MAGEH1: variants seen among roughly 807,000 people sequenced by gnomAD.
The protein encoded by MAGEH1 is MAGE family member H1.
For synonymous variants in MAGEH1, 79 were observed against 70.3 expected (o/e 1.12, Z -0.62); for missense variants, 152 against 183.0 (o/e 0.83, Z 0.98).
chrX:55,452,305 T>C lies in MAGEH1; in HGVS notation c.-70T>C. On this transcript the variant is annotated 5_prime_UTR_variant, in exon 1 of 1. Transcript: ENST00000342972. ...AGCAGCTTCTTACGGTATAAAGCTG[T>C]TGCTTCCTGAAGAGGCTACAAGCAT... The C allele has an allele frequency of 3.1e-6, 3 of 967,756 alleles. No individual in the cohort carries two copies. Among genetic ancestry groups the C allele is most frequent in the Non-Finnish European group, 4.1e-6 (3 of 725,962 alleles). The allele number at this position is 967,756 out of a possible 1,213,427, so 79.8% of individuals were successfully genotyped here. A position where few individuals can be genotyped will look rare whatever the true frequency, so the allele number is the denominator to read the frequency against.
At position 55,452,985 on chromosome X, in the gene MAGEH1, A is replaced by G. The variant is rs1357101973; in HGVS notation, c.611A>G (p.Glu204Gly). ...GACTGGGATTCGGACGATGATGCAG[A>G]GGTTGAGGCTATCCTCAATTCAGGT... Reference protein sequence around the residue: ...NYDWDSDDDAEVEAILNSGAR... With the variant: ...NYDWDSDDDAGVEAILNSGAR... Residue 204 changes from glutamate to glycine, a missense_variant, in exon 1 of 1, where the codon GAG becomes GGG. By Grantham distance (98) the Glu-to-Gly change is moderately conservative. Coordinates refer to ENST00000342972, the MANE Select transcript of MAGEH1 (RefSeq NM_014061.5). 8.3e-7 allele frequency: 1 copy of G among 1,211,497 alleles called. No individual in the cohort carries two copies. The highest frequency in any genetic ancestry group is 3.0e-5 in the East Asian group (1 of 33,832).
At position 55,452,950 on chromosome X, in the gene MAGEH1, T is replaced by C. The variant is rs1351171803; in HGVS notation, c.576T>C (p.Pro192=). Residue 192 remains proline (P), a synonymous_variant, in exon 1 of 1, where the codon CCT becomes CCC. Coordinates refer to ENST00000342972, the MANE Select transcript of MAGEH1 (RefSeq NM_014061.5). ...GTAACCGATGCTCTAAAGACTGGCC[T>C]TGTAATTATGACTGGGATTCGGACG... ...RVRNRCSKDW[P]CNYDWDSDDD... The C allele has an allele frequency of 8.3e-7, 1 of 1,209,468 alleles. No homozygotes were observed. The highest frequency in any genetic ancestry group is 1.1e-6 in the Non-Finnish European group (1 of 895,019).
Position 55,452,657 on chromosome X carries a change from A to G in MAGEH1, c.283A>G (p.Ile95Val), listed in dbSNP as rs756433516. Residue 95 changes from isoleucine to valine, a missense_variant, in exon 1 of 1, where the codon ATA becomes GTA. Transcript: ENST00000342972. ...QGTKKSLLMS[I>V]LALIFIMGNS... Reference sequence around the variant, plus strand: ...CACCAAGAAAAGTCTCCTGATGTCTATATTAGCGCTCATCTTCATCATGGG... The same window carrying G: ...CACCAAGAAAAGTCTCCTGATGTCTGTATTAGCGCTCATCTTCATCATGGG... 2.5e-6 allele frequency: 3 copies of G among 1,211,618 alleles called. No homozygotes were observed. Among genetic ancestry groups the G allele is most frequent in the East Asian group, 3.0e-5 (1 of 33,834 alleles).
Position 55,452,861 on chromosome X carries a change from T to C in MAGEH1, c.487T>C (p.Trp163Arg). The C allele has an allele frequency of 4.1e-6, 5 of 1,211,527 alleles. No individual in the cohort carries two copies. The highest frequency in any genetic ancestry group is 5.6e-6 in the Non-Finnish European group (5 of 895,458). Residue 163 changes from tryptophan to arginine, a missense_variant, in exon 1 of 1, where the codon TGG becomes CGG. Coordinates refer to ENST00000342972, the MANE Select transcript of MAGEH1 (RefSeq NM_014061.5). Reference sequence around the variant, plus strand: ...CAGTCCGGTGGAGTATGAGTTCTTCTGGGGGCCCCGAGCACACGTGGAATC... The same window carrying C: ...CAGTCCGGTGGAGTATGAGTTCTTCCGGGGGCCCCGAGCACACGTGGAATC... ...RSSPVEYEFF[W>R]GPRAHVESSK...
chrX:55,452,990 G>C lies in MAGEH1; in HGVS notation c.616G>C (p.Glu206Gln). ...GGATTCGGACGATGATGCAGAGGTTGAGGCTATCCTCAATTCAGGTGCTAG... is the reference window on the plus strand; with the variant it reads ...GGATTCGGACGATGATGCAGAGGTTCAGGCTATCCTCAATTCAGGTGCTAG... The part of the protein sequence containing the change: ...DWDSDDDAEV[E>Q]AILNSGARGY... Residue 206 changes from glutamate (E) to glutamine (Q), a missense_variant, in exon 1 of 1, where the codon GAG (glutamate) becomes CAG (glutamine). Transcript: ENST00000342972. The C allele has an allele frequency of 8.3e-7, 1 of 1,211,643 alleles. No individual in the cohort carries two copies. The highest frequency in any genetic ancestry group is 1.7e-5 in the African/African-American group (1 of 57,744).
In MAGEH1 at chrX:55,452,682, G is replaced by A. The variant is rs182047410; in HGVS notation, c.308G>A (p.Gly103Asp). Residue 103 changes from glycine (G) to aspartate (D), a missense_variant, in exon 1 of 1, where the codon GGC (glycine) becomes GAC (aspartate). By Grantham distance (94) the Gly-to-Asp change is moderately conservative (BLOSUM62 -1). Coordinates refer to ENST00000342972, the MANE Select transcript of MAGEH1 (RefSeq NM_014061.5). ...ATATTAGCGCTCATCTTCATCATGG[G>A]CAACAGCGCCAAGGAAGCTCTGGTC... ...MSILALIFIM[G>D]NSAKEALVWK... 3 of 1,209,991 alleles carry A rather than the reference G, an allele frequency of 2.5e-6. No individual in the cohort carries two copies. The highest frequency in any genetic ancestry group is 3.5e-5 in the African/African-American group (2 of 57,165).
In MAGEH1 at chrX:55,453,168, A is replaced by C; in HGVS notation, c.*134A>C. Reference sequence around the variant, plus strand: ...CTGTATTTGATATTTGTGATCAGTGATCATTGTTCAACTGCGAAATAGAGT... The same window carrying C: ...CTGTATTTGATATTTGTGATCAGTGCTCATTGTTCAACTGCGAAATAGAGT... On this transcript the variant is annotated 3_prime_UTR_variant, in exon 1 of 1. Transcript: ENST00000342972. The C allele has an allele frequency of 1.9e-6, 1 of 521,349 alleles. No homozygotes were observed. Among genetic ancestry groups the C allele is most frequent in the Non-Finnish European group, 3.0e-6 (1 of 330,240 alleles). 43.0% of individuals were successfully genotyped at this position (521,349 alleles called of 1,213,427 possible).
In MAGEH1 at chrX:55,453,320, A is replaced by G; in HGVS notation, c.*286A>G. 3.4e-6 allele frequency: 1 copy of G among 291,662 alleles called. No homozygotes were observed. Among genetic ancestry groups the G allele is most frequent in the East Asian group, 6.2e-5 (1 of 16,099 alleles). 24.0% of individuals were successfully genotyped at this position (291,662 alleles called of 1,213,427 possible). A position where few individuals can be genotyped will look rare whatever the true frequency, so the allele number is the denominator to read the frequency against. ...TCCTGTCATTGACATTTAGTATAAC[A>G]GTTTTGCTAACGTTCTAAAATGAAG... On this transcript the variant is annotated 3_prime_UTR_variant, in exon 1 of 1. Coordinates refer to ENST00000342972, the MANE Select transcript of MAGEH1 (RefSeq NM_014061.5).
Position 55,452,707 on chromosome X carries a change from C to A in MAGEH1, c.333C>A (p.Val111=). 2 of 1,211,585 alleles carry A rather than the reference C, an allele frequency of 1.7e-6. No individual in the cohort carries two copies. The highest frequency in any genetic ancestry group is 1.1e-6 in the Non-Finnish European group (1 of 895,504). ...IMGNSAKEAL[V]WKVLGKLGMQ... Reference sequence around the variant, plus strand: ...GCAACAGCGCCAAGGAAGCTCTGGTCTGGAAAGTGCTGGGGAAGTTAGGAA... The same window carrying A: ...GCAACAGCGCCAAGGAAGCTCTGGTATGGAAAGTGCTGGGGAAGTTAGGAA... Residue 111 remains valine (V), a synonymous_variant, in exon 1 of 1, where the codon GTC becomes GTA. Transcript: ENST00000342972.
chrX:55,452,801 A>C lies in MAGEH1; in HGVS notation c.427A>C (p.Arg143=). The change falls in exon 1 of 1, where the codon AGA becomes CGA. Residue 143 remains arginine (R), a synonymous_variant. Coordinates refer to ENST00000342972, the MANE Select transcript of MAGEH1 (RefSeq NM_014061.5). ...KKIVTEEFVR[R]GYLIYKPVPR... ...GATCGTCACAGAAGAGTTTGTGCGC[A>C]GAGGGTACCTGATTTATAAACCGGT... 2.5e-6 allele frequency: 3 copies of C among 1,211,758 alleles called. No individual in the cohort carries two copies. The highest frequency in any genetic ancestry group is 3.3e-6 in the Non-Finnish European group (3 of 895,532).
rs778325797 is a variant in MAGEH1, at chrX:55,452,470, G to A, written c.96G>A (p.Glu32=). The A allele has an allele frequency of 1.7e-6, 2 of 1,202,577 alleles. No homozygotes were observed. Among genetic ancestry groups the A allele is most frequent in the South Asian group, 1.8e-5 (1 of 55,741 alleles). Residue 32 remains glutamate (E), a synonymous_variant, in exon 1 of 1, where the codon GAG becomes GAA. Transcript: ENST00000342972. ...NRKIQASEAS[E]TPMAASVVAS... The stretch of plus-strand genomic sequence containing the variant: ...AAATCCAGGCCTCAGAGGCCTCCGA[G>A]ACCCCTATGGCCGCCTCTGTGGTAG...
chrX:55,452,530 G>A lies in MAGEH1; in HGVS notation c.156G>A (p.Glu52=). The change falls in exon 1 of 1, where the codon GAG becomes GAA. Residue 52 remains glutamate (E), a synonymous_variant. Transcript: ENST00000342972. ...STPEDDLSGP[E]EDPSTPEEAS... Reference sequence around the variant, plus strand: ...CCGAAGACGACCTGAGCGGCCCCGAGGAAGACCCGAGCACTCCAGAGGAGG... The same window carrying A: ...CCGAAGACGACCTGAGCGGCCCCGAAGAAGACCCGAGCACTCCAGAGGAGG... The A allele has an allele frequency of 8.3e-7, 1 of 1,209,463 alleles. No individual in the cohort carries two copies. The highest frequency in any genetic ancestry group is 1.1e-6 in the Non-Finnish European group (1 of 894,757).
Position 55,452,669 on chromosome X carries a change from A to G in MAGEH1, c.295A>G (p.Ile99Val). The part of the protein sequence containing the change: ...KSLLMSILAL[I>V]FIMGNSAKEA... ...TCTCCTGATGTCTATATTAGCGCTCATCTTCATCATGGGCAACAGCGCCAA... is the reference window on the plus strand; with the variant it reads ...TCTCCTGATGTCTATATTAGCGCTCGTCTTCATCATGGGCAACAGCGCCAA... The change falls in exon 1 of 1, where the codon ATC becomes GTC. Residue 99 changes from isoleucine to valine, a missense_variant. Coordinates refer to ENST00000342972, the MANE Select transcript of MAGEH1 (RefSeq NM_014061.5). 5.0e-6 allele frequency: 6 copies of G among 1,211,805 alleles called. No individual in the cohort carries two copies. Among genetic ancestry groups the G allele is most frequent in the Non-Finnish European group, 6.7e-6 (6 of 895,566 alleles).
rs1217270495 is a variant in MAGEH1, at chrX:55,453,139, G to A, written c.*105G>A. The stretch of plus-strand genomic sequence containing the variant: ...AAAATGATGTCGATTGGGGGCGGGG[G>A]ACACTGTATTTGATATTTGTGATCA... On this transcript the variant is annotated 3_prime_UTR_variant, in exon 1 of 1. Transcript: ENST00000342972. The A allele has an allele frequency of 1.4e-6, 1 of 692,906 alleles. No individual in the cohort carries two copies. Among genetic ancestry groups the A allele is most frequent in the Non-Finnish European group, 2.1e-6 (1 of 468,415 alleles). 57.1% of individuals were successfully genotyped at this position (692,906 alleles called of 1,213,427 possible). A position where few individuals can be genotyped will look rare whatever the true frequency, so the allele number is the denominator to read the frequency against.
Position 55,452,306 on chromosome X carries a change from TG to T in MAGEH1, c.-68del. The T allele has an allele frequency of 1.0e-6, 1 of 979,130 alleles. No homozygotes were observed. The highest frequency in any genetic ancestry group is 2.7e-5 in the South Asian group (1 of 37,680). 80.7% of individuals were successfully genotyped at this position (979,130 alleles called of 1,213,427 possible). A position where few individuals can be genotyped will look rare whatever the true frequency, so the allele number is the denominator to read the frequency against. On this transcript the variant is annotated 5_prime_UTR_variant, in exon 1 of 1. Coordinates refer to ENST00000342972, the MANE Select transcript of MAGEH1 (RefSeq NM_014061.5). ...GCAGCTTCTTACGGTATAAAGCTGT[TG>T]CTTCCTGAAGAGGCTACAAGCATCC...
chrX:55,452,385 G>C lies in MAGEH1; in HGVS notation c.11G>C (p.Gly4Ala). 1 of 1,155,380 alleles carries C rather than the reference G, an allele frequency of 8.7e-7. No individual in the cohort carries two copies. Among genetic ancestry groups the C allele is most frequent in the Non-Finnish European group, 1.1e-6 (1 of 870,659 alleles). Residue 4 changes from glycine to alanine, a missense_variant, in exon 1 of 1, where the codon GGA (glycine) becomes GCA (alanine). Coordinates refer to ENST00000342972, the MANE Select transcript of MAGEH1 (RefSeq NM_014061.5). MPR[G>A]RKSRRRRNAR... ...CCTCTAGCAGGAGACATGCCTCGGG[G>C]ACGAAAGAGTCGGCGCCGCCGTAAT...
chrX:55,452,789 G>C lies in MAGEH1; in HGVS notation c.415G>C (p.Glu139Gln), dbSNP rs2031196724. The change falls in exon 1 of 1, where the codon GAG (glutamate) becomes CAG (glutamine). Residue 139 changes from glutamate (E) to glutamine (Q), a missense_variant. By Grantham distance (29) the Glu-to-Gln change is conservative. Coordinates refer to ENST00000342972, the MANE Select transcript of MAGEH1 (RefSeq NM_014061.5). ...FGDPKKIVTE[E>Q]FVRRGYLIYK... ...AGATCCGAAGAAGATCGTCACAGAA[G>C]AGTTTGTGCGCAGAGGGTACCTGAT... 1 of 1,209,866 alleles carries C rather than the reference G, an allele frequency of 8.3e-7. No homozygotes were observed. The highest frequency in any genetic ancestry group is 3.0e-5 in the East Asian group (1 of 33,757).
rs1021697680 is a variant in MAGEH1 at position 55,452,186 on chromosome X, G to A, written c.-189G>A. On this transcript the variant is annotated 5_prime_UTR_variant, in exon 1 of 1. Transcript: ENST00000342972. ...CGGCAAGTGCTGGCGGCGGCTGCTCGCGCAAGTCAGCTGGCGTGGGAACTA... is the reference window on the plus strand; with the variant it reads ...CGGCAAGTGCTGGCGGCGGCTGCTCACGCAAGTCAGCTGGCGTGGGAACTA... 29 of 354,134 alleles carry A rather than the reference G, an allele frequency of 8.2e-5. No individual in the cohort carries two copies. The highest frequency in any genetic ancestry group is 1.3e-4 in the Non-Finnish European group (28 of 217,811). The allele number at this position is 354,134 out of a possible 1,213,427, so 29.2% of individuals were successfully genotyped here. A position where few individuals can be genotyped will look rare whatever the true frequency, so the allele number is the denominator to read the frequency against.
In MAGEH1 at chrX:55,452,940, A is replaced by C; in HGVS notation, c.566A>C (p.Lys189Thr). ...FVARVRNRCS[K>T]DWPCNYDWDS... ...GCAAGGGTTCGTAACCGATGCTCTA[A>C]AGACTGGCCTTGTAATTATGACTGG... The change falls in exon 1 of 1, where the codon AAA (lysine) becomes ACA (threonine). Residue 189 changes from lysine to threonine, a missense_variant. Physicochemically the swap from Lys to Thr is moderately conservative, Grantham distance 78 (BLOSUM62 -1). Coordinates refer to ENST00000342972, the MANE Select transcript of MAGEH1 (RefSeq NM_014061.5). The C allele has an allele frequency of 1.7e-6, 2 of 1,211,510 alleles. No homozygotes were observed. Among genetic ancestry groups the C allele is most frequent in the Non-Finnish European group, 2.2e-6 (2 of 895,381 alleles).
Sources: gnomAD v4.1 joint callset for allele counts on GRCh38, gnomAD v4.1.1 for gene constraint, MANE v1.5 for transcripts, NCBI Gene and HGNC (gene_info 2026-07-23, HGNC 2026-07-21) for gene names.